Variants in XKR4 observed in about 807,000 individuals in gnomAD.
The protein encoded by XKR4 is XK-related protein 4.
A neutral mutation model predicts 53.9 loss-of-function variants in XKR4; 12 were observed. That is an observed-to-expected ratio of 0.22 (90% confidence interval 0.14 to 0.36). The LOEUF (loss-of-function observed/expected upper bound fraction) is 0.36, where lower values mean the gene tolerates loss of function less well. Among genes scored for constraint, XKR4 ranks in the 10% least tolerant of loss-of-function variants. XKR4 has a pLI of 1.00. For synonymous variants in XKR4, 354 were observed against 362.4 expected (o/e 0.98, Z 0.26); for missense variants, 799 against 859.5 (o/e 0.93, Z 0.88).
chr8:55,460,773 C>A (rs1025348263), intron 2 of XKR4, among the ~76,000 whole-genome samples: 1 of 152,228 alleles, frequency 6.6e-6, no homozygotes, highest in Admixed American at 6.5e-5. Context: ...AATCGGGTCA[C>A]TCCCACCCTA....
intron 1 of XKR4, among the ~76,000 whole-genome samples, chr8:55,265,996 TATATA>T (rs1818595304): frequency 6.7e-6 from 1 of 149,786 alleles, no homozygotes; most frequent in Non-Finnish European, 1.5e-5. Flanking sequence ...AATAAATAAA[TATATA>T]ATAAAAAATT....
At chr8:55,392,169 T>C (rs773279304) in intron 2 of XKR4, among the ~76,000 whole-genome samples, 4 of 152,090 alleles carry the variant, frequency 2.6e-5, no homozygotes, top group Admixed American at 6.6e-5. Context: ...TAAAAAGGCA[T>C]GGAAAAAATG....
At chr8:55,371,111 C>A (rs1804064233) in intron 2 of XKR4, among the ~76,000 whole-genome samples, 1 of 150,116 alleles carries the variant, frequency 6.7e-6, no homozygotes, top group Non-Finnish European at 1.5e-5. Flanking sequence ...AGTAGCAATG[C>A]CATGCTATTG....
At chr8:55,284,279 T>A (rs1818877743) in intron 1 of XKR4, among the ~76,000 whole-genome samples, 1 of 152,266 alleles carries the variant, frequency 6.6e-6, no homozygotes, top group Non-Finnish European at 1.5e-5. Flanking sequence ...TTTTATTAAA[T>A]TTTAATGATT....
chr8:55,416,213 G>A (rs1349956715), intron 2 of XKR4, among the ~76,000 whole-genome samples: 2 of 152,132 alleles, frequency 1.3e-5, no homozygotes, highest in African/African-American at 4.8e-5. Flanking sequence ...AAAGTCCATA[G>A]GTAATAAAGC....
chr8:55,327,189 A>G (rs1449687443), intron 1 of XKR4, among the ~76,000 whole-genome samples: 1 of 152,160 alleles, frequency 6.6e-6, no homozygotes. Flanking sequence ...CTTCATAATC[A>G]TTGTAAACAA....
chr8:55,285,496 G>A (rs929767948), intron 1 of XKR4, among the ~76,000 whole-genome samples: 11 of 152,268 alleles, frequency 7.2e-5, no homozygotes, highest in African/African-American at 2.4e-4. Flanking sequence ...ACAGAGGAGA[G>A]AAGGAGGGAA....
chr8:55,323,511 T>G (rs1021433588), intron 1 of XKR4, among the ~76,000 whole-genome samples: 3 of 152,226 alleles, frequency 2.0e-5, no homozygotes, highest in African/African-American at 7.2e-5. Flanking sequence ...GCCATGTTAT[T>G]GTGTTTATAA....
intron 1 of XKR4, among the ~76,000 whole-genome samples, chr8:55,344,505 G>T (rs1803606248): frequency 6.7e-6 from 1 of 149,132 alleles, no homozygotes; most frequent in Non-Finnish European, 1.5e-5. Context: ...TTAATCATTT[G>T]AAGACTTGGA....
At chr8:55,386,786 T>A (rs1357496254) in intron 2 of XKR4, among the ~76,000 whole-genome samples, 1 of 152,204 alleles carries the variant, frequency 6.6e-6, no homozygotes, top group Non-Finnish European at 1.5e-5. Flanking sequence ...GGACTAGCTT[T>A]TCTAACACAT....
intron 1 of XKR4, among the ~76,000 whole-genome samples, chr8:55,127,000 C>T (rs1284877954): frequency 1.3e-5 from 2 of 152,194 alleles, no homozygotes; most frequent in African/African-American, 4.8e-5. Context: ...AGGGAAATTT[C>T]ATCCAGTTGG....
At chr8:55,236,668 C>A (rs1412064251) in intron 1 of XKR4, among the ~76,000 whole-genome samples, 1 of 152,176 alleles carries the variant, frequency 6.6e-6, no homozygotes, top group African/African-American at 2.4e-5. Flanking sequence ...AGGCCCTCTA[C>A]CCTCCTGCAT....
rs147578916 is a variant in XKR4 at position 55,266,457 on chromosome 8, A to T, written c.807-91221A>T. Among the ~76,000 whole-genome samples, 892 of 152,222 alleles carry T rather than the reference A, an allele frequency of 5.9e-3. 8 individuals carry two copies. Among genetic ancestry groups the T allele is most frequent in the African/African-American group, 0.021 (858 of 41,544 alleles). On this transcript the variant is annotated intron_variant, in intron 1 of 2. Coordinates refer to ENST00000327381, the MANE Select transcript of XKR4 (RefSeq NM_052898.2). The stretch of plus-strand genomic sequence containing the variant: ...ATTTAATCTGCGAAGAGGGTAATAG[A>T]GCAGAAAGAGTGCCCGTGACATTTG...
chr8:55,413,538 T>C (rs771197291), intron 2 of XKR4, among the ~76,000 whole-genome samples: 1 of 152,264 alleles, frequency 6.6e-6, no homozygotes, highest in African/African-American at 2.4e-5. Context: ...ATCTCTTCCA[T>C]GACAATATTT....
intron 1 of XKR4, among the ~76,000 whole-genome samples, chr8:55,154,869 G>C (rs188122575): frequency 1.3e-5 from 2 of 152,292 alleles, no homozygotes; most frequent in East Asian, 3.9e-4. Context: ...AGAGATTTGG[G>C]AGTATGTATT....
In XKR4 at chr8:55,537,015, G is replaced by A. The variant is rs960285174; in HGVS notation, c.*12788G>A. ...AAGCATTCCTTATGATATTTTTTAA[G>A]CCTAAAAACCATTCAAATTGCTTGA... On this transcript the variant is annotated 3_prime_UTR_variant, in exon 3 of 3. Coordinates refer to ENST00000327381, the MANE Select transcript of XKR4 (RefSeq NM_052898.2). 45 of 152,140 alleles carry A rather than the reference G, an allele frequency of 3.0e-4. No homozygotes were observed. Among genetic ancestry groups the A allele is most frequent in the Admixed American group, 2.7e-3 (42 of 15,274 alleles). The allele number at this position is 152,140 out of a possible 1,614,324, so 9.4% of individuals were successfully genotyped here.
chr8:55,477,770 G>C (rs1398526249), intron 2 of XKR4, among the ~76,000 whole-genome samples: 1 of 152,132 alleles, frequency 6.6e-6, no homozygotes, highest in Non-Finnish European at 1.5e-5. Context: ...AAAAGCCTCA[G>C]GAGCTGATGC....
At chr8:55,189,206 T>C (rs1180785806) in intron 1 of XKR4, among the ~76,000 whole-genome samples, 1 of 152,216 alleles carries the variant, frequency 6.6e-6, no homozygotes, top group Non-Finnish European at 1.5e-5. Flanking sequence ...AGGATAAGCA[T>C]ACCTTGTTAT....
intron 1 of XKR4, among the ~76,000 whole-genome samples, chr8:55,326,489 G>GTTTTAAA (rs1803296308): frequency 1.6e-5 from 1 of 63,540 alleles, no homozygotes; most frequent in African/African-American, 4.6e-5. Context: ...TTTTTTTTTG[G>GTTTTAAA]AAACAGAGTT....
Sources: allele counts gnomAD v4.1 joint callset (sites outside exome capture counted in the v4.1 genomes callset), GRCh38; gene constraint gnomAD v4.1.1; transcripts MANE v1.5; gene names NCBI Gene and HGNC (gene_info 2026-07-23, HGNC 2026-07-21).